The following RARB variants were observed in gnomAD, a reference collection of about 807,000 sequenced individuals.
The protein encoded by RARB is retinoic acid receptor beta, also known as HBV-activated protein.
Under a neutral mutation model 51.9 loss-of-function variants are expected in RARB, and 17 were observed. The ratio of observed to expected loss-of-function variants is 0.33; its 90% CI spans 0.22 to 0.49. The LOEUF is 0.49. Ranked by LOEUF, RARB falls within the 20% of genes least tolerant of loss-of-function variation. The probability of loss-of-function intolerance (pLI) is 0.99; values close to 1 mark genes in which losing one functional copy is unlikely to be tolerated. For missense variants in RARB, 369 were observed against 550.8 expected, an observed-to-expected ratio of 0.67 and a Z score of 3.30; for synonymous variants, 215 against 195.4, an observed-to-expected ratio of 1.10 and a Z score of -0.84.
chr3:24,950,937 C>T (rs988110142), intron 2 of RARB, among the ~76,000 whole-genome samples: 15 of 152,138 alleles, frequency 9.9e-5, no homozygotes, highest in African/African-American at 3.4e-4. Flanking sequence ...GGAATCTGGT[C>T]AACACTTCTA....
chr3:25,526,692 G>A (rs556014089), intron 3 of RARB, among the ~76,000 whole-genome samples: 1 of 152,190 alleles, frequency 6.6e-6, no homozygotes, highest in East Asian at 1.9e-4. Flanking sequence ...GGATGGATGA[G>A]TGGGTGAATG....
chr3:25,047,022 G>A (rs991719181), intron 2 of RARB, among the ~76,000 whole-genome samples: 3 of 152,194 alleles, frequency 2.0e-5, no homozygotes, highest in Admixed American at 6.5e-5. Context: ...AAATTTATTT[G>A]TGGTGTATCA....
chr3:25,461,723 A>T (rs1695196236), intron 2 of RARB, among the ~76,000 whole-genome samples: 1 of 152,128 alleles, frequency 6.6e-6, no homozygotes, highest in Non-Finnish European at 1.5e-5. Context: ...GCAAAACCTC[A>T]TCTCTACTAA....
At chr3:25,190,647 T>G (rs923740522) in intron 5 of RARB, among the ~76,000 whole-genome samples, 2 of 152,114 alleles carry the variant, frequency 1.3e-5, no homozygotes, top group Non-Finnish European at 2.9e-5. Context: ...CCAATCTGTT[T>G]ATGGCAACAG....
chr3:24,954,419 G>A lies in RARB; in HGVS notation c.-380+95667G>A, dbSNP rs150108870. ...AAAATCAGACTTAAGCAGCAGCTGA[G>A]TCCTACATGGGAAATTACAACAAAA... On this transcript the variant is annotated intron_variant, in intron 2 of 11. Transcript: ENST00000383772. Among the ~76,000 whole-genome samples the A allele has an allele frequency of 3.7e-3, 560 of 152,312 alleles. 3 individuals are homozygous for A. Among genetic ancestry groups the A allele is most frequent in the African/African-American group, 0.013 (550 of 41,556 alleles).
intron 5 of RARB, among the ~76,000 whole-genome samples, chr3:25,202,037 G>T (rs1227020901): frequency 2.0e-5 from 3 of 152,276 alleles, no homozygotes; most frequent in East Asian, 3.9e-4. Context: ...TATCCTGGTG[G>T]AATTCAGCTG....
chr3:25,044,739 TC>T (rs1698180017), intron 2 of RARB, among the ~76,000 whole-genome samples: 1 of 152,236 alleles, frequency 6.6e-6, no homozygotes, highest in African/African-American at 2.4e-5. Flanking sequence ...TAAGTATCTT[TC>T]TAATATTACT....
intron 2 of RARB, among the ~76,000 whole-genome samples, chr3:24,973,169 G>A (rs947129697): frequency 2.6e-5 from 4 of 152,024 alleles, no homozygotes; most frequent in African/African-American, 9.7e-5. Context: ...TGAGAGATAA[G>A]GGCCTAGTTC....
chr3:25,356,581 G>A (rs1342458230), intron 5 of RARB, among the ~76,000 whole-genome samples: 2 of 151,710 alleles, frequency 1.3e-5, no homozygotes, highest in Non-Finnish European at 2.9e-5. Context: ...TTGTTACATA[G>A]GTATACATGT....
At chr3:25,131,232 A>G (rs1699948561) in intron 3 of RARB, among the ~76,000 whole-genome samples, 1 of 151,968 alleles carries the variant, frequency 6.6e-6, no homozygotes, top group African/African-American at 2.4e-5. Context: ...TCACAAGCTT[A>G]GAGCCAAGGA....
intron 3 of RARB, among the ~76,000 whole-genome samples, chr3:25,077,708 G>A (rs1344682604): frequency 6.6e-6 from 1 of 151,876 alleles, no homozygotes; most frequent in Non-Finnish European, 1.5e-5. Context: ...GGATCACAGA[G>A]TGTGTGTGTG....
intron 4 of RARB, among the ~76,000 whole-genome samples, chr3:25,163,787 A>G (rs1290774441): frequency 6.6e-6 from 1 of 152,080 alleles, no homozygotes; most frequent in Non-Finnish European, 1.5e-5. Flanking sequence ...ATATTCTGGA[A>G]CACCAATTAG....
At chr3:25,336,750 T>C (rs1289505848) in intron 5 of RARB, among the ~76,000 whole-genome samples, 1 of 152,158 alleles carries the variant, frequency 6.6e-6, no homozygotes, top group Non-Finnish European at 1.5e-5. Context: ...ACCTAAAGGT[T>C]AATGTGGCCA....
At chr3:25,204,951 C>G (rs531008811) in intron 5 of RARB, among the ~76,000 whole-genome samples, 36 of 152,308 alleles carry the variant, frequency 2.4e-4, no homozygotes, top group African/African-American at 8.4e-4. Context: ...CTCTTCAAAG[C>G]TGTCAGACAG....
chr3:25,538,090 A>G (rs1235194727), intron 3 of RARB, among the ~76,000 whole-genome samples: 1 of 152,024 alleles, frequency 6.6e-6, no homozygotes, highest in Non-Finnish European at 1.5e-5. Context: ...TTTTTTTTTA[A>G]GCAATGGTGT....
At chr3:25,150,162 C>T (rs898205471) in intron 4 of RARB, among the ~76,000 whole-genome samples, 6 of 150,988 alleles carry the variant, frequency 4.0e-5, no homozygotes, top group African/African-American at 1.5e-4. Flanking sequence ...GATCGCATCA[C>T]TGCACTCCAG....
At chr3:25,425,982 A>G (rs1472722780), upstream of RARB, among the ~76,000 whole-genome samples, 2 of 152,132 alleles carry the variant, frequency 1.3e-5, no homozygotes, top group African/African-American at 2.4e-5. Flanking sequence ...CTCCTGCTCT[A>G]CTTCCAATAT....
chr3:25,045,912 AT>A (rs1698204896), intron 2 of RARB, among the ~76,000 whole-genome samples: 1 of 152,244 alleles, frequency 6.6e-6, no homozygotes, highest in East Asian at 1.9e-4. Context: ...ATGACTTAGT[AT>A]TTTATTATAC....
intron 3 of RARB, among the ~76,000 whole-genome samples, chr3:25,107,760 G>C (rs1575163810): frequency 6.6e-6 from 1 of 152,176 alleles, no homozygotes; most frequent in South Asian, 2.1e-4. Flanking sequence ...ATCACAAATT[G>C]TGACTAACTT....
Sources: allele counts gnomAD v4.1 joint callset (sites outside exome capture counted in the v4.1 genomes callset), GRCh38; gene constraint gnomAD v4.1.1; transcripts MANE v1.5; gene names NCBI Gene and HGNC (gene_info 2026-07-23, HGNC 2026-07-21).